FRAS1: variants seen among roughly 807,000 people sequenced by gnomAD.
The protein encoded by FRAS1 is extracellular matrix organizing protein FRAS1.
In FRAS1, 290 loss-of-function variants were observed where a neutral mutation model predicts 435.2. The ratio of observed to expected loss-of-function variants is 0.67; its 90% CI spans 0.61 to 0.73. FRAS1 has a LOEUF of 0.73. Ranked by LOEUF, FRAS1 falls within the 30% of genes least tolerant of loss-of-function variation. FRAS1 has a pLI of 0.00. For synonymous variants in FRAS1, 1,800 were observed against 1,851.0 expected (o/e 0.97, Z 0.71); for missense variants, 4,860 against 5,001.5 (o/e 0.97, Z 0.85).
Position 78,343,944 on chromosome 4 carries a change from A to G in FRAS1, c.2422+6127A>G, listed in dbSNP as rs150924432. On this transcript the variant is annotated intron_variant, in intron 20 of 73. Coordinates refer to ENST00000512123, the MANE Select transcript of FRAS1 (RefSeq NM_025074.7). ...TCTTGCTGTGGCTGCTTCTGCAGTT[A>G]TAAATGGAAAGGAAGAAAAGAGCCA... Among the ~76,000 whole-genome samples, 12 of 152,310 alleles carry G rather than the reference A, an allele frequency of 7.9e-5. No individual in the cohort carries two copies. The East Asian group carries it at 2.3e-3, about 29-fold the overall frequency.
intron 61 of FRAS1, among the ~76,000 whole-genome samples, chr4:78,504,079 G>C (rs1187906522): frequency 1.3e-5 from 2 of 152,208 alleles, no homozygotes; most frequent in Non-Finnish European, 2.9e-5. Context: ...TGGTCTGAGA[G>C]ACAGTTTGTT....
chr4:78,333,858 G>A (rs1293524502), intron 19 of FRAS1, among the ~76,000 whole-genome samples: 1 of 152,190 alleles, frequency 6.6e-6, no homozygotes, highest in Admixed American at 6.5e-5. Flanking sequence ...GAGTGCAGTG[G>A]TGTGATCACA....
intron 2 of FRAS1, among the ~76,000 whole-genome samples, chr4:78,122,052 C>G (rs1418459789): frequency 6.6e-6 from 1 of 152,100 alleles, no homozygotes. Context: ...TAGGTATACA[C>G]GTGCCATGGT....
At chr4:78,487,433 C>A (rs1285232406) in intron 58 of FRAS1, among the ~76,000 whole-genome samples, 1 of 152,134 alleles carries the variant, frequency 6.6e-6, no homozygotes, top group Admixed American at 6.6e-5. Context: ...AAACACACAC[C>A]TTTCCTTCCT....
At chr4:78,439,503 T>C (rs923558776) in intron 40 of FRAS1, among the ~76,000 whole-genome samples, 5 of 152,196 alleles carry the variant, frequency 3.3e-5, no homozygotes, top group Non-Finnish European at 1.5e-5. Context: ...ATTCTGATCA[T>C]TGAATACCCA....
At chr4:78,372,643 G>A (rs1731560061) in intron 23 of FRAS1, 75 bp from the exon 24 acceptor site, 1 of 1,557,916 alleles carries the variant, frequency 6.4e-7, no homozygotes, top group African/African-American at 1.4e-5. Context: ...GCTGCAGACA[G>A]AGTCCTCATA....
At chr4:78,503,406 G>A (rs10012218) in intron 61 of FRAS1, among the ~76,000 whole-genome samples, 151,110 of 152,324 alleles carry the variant, frequency 0.99, 74,955 homozygotes, top group East Asian at 1. Context: ...TTATTGGTCT[G>A]TTCAGAGATT....
chr4:78,261,593 T>C (rs1383008333), intron 6 of FRAS1, among the ~76,000 whole-genome samples: 2 of 152,120 alleles, frequency 1.3e-5, no homozygotes, highest in African/African-American at 2.4e-5. Flanking sequence ...AAGACTCTCA[T>C]GTGAGAGATG....
chr4:78,522,034 T>G (rs1016943899), intron 68 of FRAS1, among the ~76,000 whole-genome samples: 2 of 152,248 alleles, frequency 1.3e-5, no homozygotes, highest in Non-Finnish European at 2.9e-5. Flanking sequence ...AAGAAAGAAG[T>G]TCCAGTTATG....
At chr4:78,502,088 G>A (rs778346452) in intron 61 of FRAS1, among the ~76,000 whole-genome samples, 5 of 152,092 alleles carry the variant, frequency 3.3e-5, no homozygotes, top group Non-Finnish European at 7.4e-5. Flanking sequence ...TATCTCTTTT[G>A]GTACCAGTAC....
At chr4:78,059,178 C>A (rs1005377326) in intron 1 of FRAS1, among the ~76,000 whole-genome samples, 1 of 152,170 alleles carries the variant, frequency 6.6e-6, no homozygotes, top group Non-Finnish European at 1.5e-5. Context: ...GGGCGCGGGG[C>A]GGCTCCCGGG....
rs796239297 is a variant in FRAS1, at chr4:78,379,756, A to G, written c.3323A>G (p.Asn1108Ser). The G allele has an allele frequency of 2.5e-6, 4 of 1,613,598 alleles. No homozygotes were observed. The South Asian group carries it at 3.3e-5, about 13-fold the overall frequency. ...ATACACACCCCTAGTCTTCATGTGA[A>G]TGGTTCCCTGATCCTCCCAATTGGT... ...GKIHTPSLHV[N>S]GSLILPIGSI... Residue 1108 changes from asparagine (N) to serine (S), a missense_variant, in exon 27 of 74, where the codon AAT becomes AGT. Transcript: ENST00000512123.
rs757000096 is a variant in FRAS1, at chr4:78,363,944, G to A, written c.2612G>A (p.Gly871Glu). The A allele has an allele frequency of 6.2e-7, 1 of 1,613,384 alleles. No individual in the cohort carries two copies. Among genetic ancestry groups the A allele is most frequent in the Admixed American group, 1.7e-5 (1 of 59,950 alleles). ...TCCTGCAGAACCTGCCAGGGCAGAGGACCTTTCTCCTGCTCCTCATGTGAC... is the reference window on the plus strand; with the variant it reads ...TCCTGCAGAACCTGCCAGGGCAGAGAACCTTTCTCCTGCTCCTCATGTGAC... Reference protein sequence around the residue: ...HSSCRTCQGRGPFSCSSCDTN... With the variant: ...HSSCRTCQGREPFSCSSCDTN... Residue 871 changes from glycine (G) to glutamate (E), a missense_variant, in exon 22 of 74, where the codon GGA becomes GAA. Gly to Glu is a moderately conservative substitution (Grantham distance 98). Coordinates refer to ENST00000512123, the MANE Select transcript of FRAS1 (RefSeq NM_025074.7).
At chr4:78,109,602 AAAT>A (rs1429728377) in intron 2 of FRAS1, among the ~76,000 whole-genome samples, 1 of 66,066 alleles carries the variant, frequency 1.5e-5, no homozygotes, top group East Asian at 3.8e-4. Flanking sequence ...ACGTATTTCA[AAAT>A]AATAAGAGCT....
chr4:78,376,414 A>C (rs972144579), intron 26 of FRAS1, among the ~76,000 whole-genome samples: 6 of 152,204 alleles, frequency 3.9e-5, no homozygotes, highest in Admixed American at 1.3e-4. Context: ...GTTTCTAAAC[A>C]TATCTAAAAT....
Position 78,422,333 on chromosome 4 carries a change from T to G in FRAS1, c.4678+333T>G, listed in dbSNP as rs370634344. 1.2e-4 allele frequency among the ~76,000 whole-genome samples: 18 copies of G among 152,036 alleles called. No homozygotes were observed. The East Asian group carries it at 1.9e-3, about 16-fold the overall frequency. On this transcript the variant is annotated intron_variant, in intron 34 of 73. Transcript: ENST00000512123. ...GTGGTTTAAGGGAGGTATAGAGAGATAATTTGATAAATAACCCCAGGAATG... is the reference window on the plus strand; with the variant it reads ...GTGGTTTAAGGGAGGTATAGAGAGAGAATTTGATAAATAACCCCAGGAATG...
intron 29 of FRAS1, among the ~76,000 whole-genome samples, chr4:78,388,185 C>T (rs537502440): frequency 8.6e-5 from 13 of 151,940 alleles, no homozygotes; most frequent in African/African-American, 2.2e-4. Flanking sequence ...ATTCGCTGGG[C>T]GTGGTGGCGG....
intron 20 of FRAS1, among the ~76,000 whole-genome samples, chr4:78,360,319 T>C (rs1351757475): frequency 2.0e-5 from 3 of 152,144 alleles, no homozygotes; most frequent in Non-Finnish European, 4.4e-5. Context: ...CAGTAAAATA[T>C]TTTGAAGACA....
chr4:78,392,981 G>T lies in FRAS1; in HGVS notation c.3975+5280G>T, dbSNP rs773153203. 2.7e-5 allele frequency among the ~76,000 whole-genome samples: 4 copies of T among 148,302 alleles called. No homozygotes were observed. The South Asian group carries it at 8.5e-4, about 31-fold the overall frequency. On this transcript the variant is annotated intron_variant, in intron 29 of 73. Coordinates refer to ENST00000512123, the MANE Select transcript of FRAS1 (RefSeq NM_025074.7). ...AATAAGAAACAAACATGTTCATCAT[G>T]ATGAGTGGGAAGATTCATGCTTCTT...
Sources: gnomAD v4.1 joint callset for allele counts (sites outside exome capture counted in the v4.1 genomes callset) on GRCh38, gnomAD v4.1.1 for gene constraint, MANE v1.5 for transcripts, NCBI Gene and HGNC (gene_info 2026-07-23, HGNC 2026-07-21) for gene names.